The following ADAP1 variants were observed in gnomAD, a reference collection of about 807,000 sequenced individuals.
The protein encoded by ADAP1 is arf-GAP with dual PH domain-containing protein 1.
In ADAP1, 31 loss-of-function variants were observed where a neutral mutation model predicts 54.9. That is an observed-to-expected ratio of 0.56 (90% CI 0.42 to 0.76). ADAP1 has a LOEUF of 0.76. Among genes scored for constraint, ADAP1 ranks in the 30% least tolerant of loss-of-function variants. The pLI is 0.00. For missense variants in ADAP1, 535 were observed against 512.4 expected, an observed-to-expected ratio of 1.04 and a Z score of -0.42; for synonymous variants, 313 against 202.6, an observed-to-expected ratio of 1.55 and a Z score of -4.63.
intron 1 of ADAP1, among the ~76,000 whole-genome samples, chr7:940,600 T>C (rs1846917671): frequency 1.3e-5 from 2 of 152,294 alleles, no homozygotes; most frequent in Non-Finnish European, 2.9e-5. Context: ...CCACTGCTGG[T>C]AGAAATACAA....
chr7:923,004 C>CCA (rs10687724), intron 3 of ADAP1: 130,087 of 151,658 alleles, frequency 0.86, 55,998 homozygotes, highest in East Asian at 0.97. Context: ...TAAGATGAGG[C>CCA]CACAGGAGCA....
rs1846856280 is a variant in ADAP1 at position 938,807 on chromosome 7, G to C, written c.83-3302C>G. Reference sequence around the variant, plus strand: ...ACCGCATGGCAATGCTGTTGGTTCTGCTCCGACAGTGTGGACCACGGACCC... The same window carrying C: ...ACCGCATGGCAATGCTGTTGGTTCTCCTCCGACAGTGTGGACCACGGACCC... On this transcript the variant is annotated intron_variant, in intron 1 of 10. Coordinates refer to ENST00000265846, the MANE Select transcript of ADAP1 (RefSeq NM_006869.4). The surrounding 1 kb of genome is among the most constrained non-coding windows in gnomAD (Gnocchi z 4.4). 6.6e-6 allele frequency among the ~76,000 whole-genome samples: 1 copy of C among 152,204 alleles called. No homozygotes were observed. Among genetic ancestry groups the C allele is most frequent in the Non-Finnish European group, 1.5e-5 (1 of 68,034 alleles).
intron 6 of ADAP1, chr7:900,935 C>T: frequency 1.8e-6 from 1 of 562,568 alleles, no homozygotes; most frequent in Non-Finnish European, 3.5e-6. Context: ...TCCAAGCTCA[C>T]TCTGTGGCCC....
intron 1 of ADAP1, among the ~76,000 whole-genome samples, chr7:948,006 C>T (rs1010919997): frequency 2.0e-5 from 3 of 151,990 alleles, no homozygotes. Context: ...ACCCCACTCC[C>T]TCTTCCGGAG....
At chr7:923,513 G>A (rs1185193188) in intron 3 of ADAP1, among the ~76,000 whole-genome samples, 1 of 152,076 alleles carries the variant, frequency 6.6e-6, no homozygotes, top group Non-Finnish European at 1.5e-5. Flanking sequence ...GACACAGGAA[G>A]AGACGGGTCC....
At chr7:900,080 G>T (rs974919972) in intron 8 of ADAP1, 22 bp downstream of exon 8, 5 of 1,612,642 alleles carry the variant, frequency 3.1e-6, no homozygotes, top group Non-Finnish European at 8.5e-7. Flanking sequence ...GCCACCCCAG[G>T]CCGCACGTGC....
chr7:934,672 G>T (rs62433082), intron 2 of ADAP1, among the ~76,000 whole-genome samples: 33,055 of 152,074 alleles, frequency 0.22, 4,233 homozygotes, highest in South Asian at 0.44. Flanking sequence ...CCTCCCTCGG[G>T]GTCTCCCTAC....
chr7:900,205 G>C (rs1257164722), intron 7 of ADAP1, 41 bp from the exon 8 acceptor site: 5 of 1,610,464 alleles, frequency 3.1e-6, no homozygotes, highest in Non-Finnish European at 4.2e-6. Flanking sequence ...CAGAAGTGCA[G>C]CTCAGGCCGA....
intron 4 of ADAP1, among the ~76,000 whole-genome samples, chr7:917,512 T>C (rs568667983): frequency 2.4e-4 from 37 of 152,336 alleles, no homozygotes; most frequent in Middle Eastern, 6.8e-3. Flanking sequence ...CCGCCCAGGC[T>C]GGAGTGCAGA....
chr7:950,835 GA>G (rs1847249165), intron 1 of ADAP1, among the ~76,000 whole-genome samples: 1 of 128,746 alleles, frequency 7.8e-6, no homozygotes, highest in Non-Finnish European at 1.6e-5. Flanking sequence ...CCAGCCTTGG[GA>G]ACAGAGCAAG....
intron 1 of ADAP1, 80 bp downstream of exon 1, chr7:954,316 G>T: frequency 1.1e-6 from 1 of 946,500 alleles, no homozygotes. Context: ...CCCGGTCCCC[G>T]GGGCCCACCC....
chr7:904,415 G>A (rs1054986617), intron 5 of ADAP1, 143 bp from the exon 6 acceptor site: 2 of 1,048,062 alleles, frequency 1.9e-6, no homozygotes, highest in Non-Finnish European at 1.3e-6. Flanking sequence ...TCTGAGCCTT[G>A]GCCTCCCGGT....
intron 4 of ADAP1, among the ~76,000 whole-genome samples, chr7:906,654 A>G (rs1562914962): frequency 1.3e-4 from 12 of 94,720 alleles, no homozygotes; most frequent in Admixed American, 4.4e-4. Context: ...GAAAGGAGAA[A>G]GGGGGCGGGA....
At chr7:935,089 A>T in intron 2 of ADAP1, 1 of 564,452 alleles carries the variant, frequency 1.8e-6, no homozygotes, top group African/African-American at 1.9e-5. Flanking sequence ...AGCACTCCGG[A>T]GCTCCCAGGG....
intron 1 of ADAP1, among the ~76,000 whole-genome samples, chr7:954,066 G>C (rs1279404001): frequency 1.3e-5 from 2 of 152,110 alleles, no homozygotes; most frequent in Non-Finnish European, 2.9e-5. Context: ...CTTTCTGTGC[G>C]GAGCCCGAGC....
At chr7:930,101 C>T (rs1403000587) in intron 2 of ADAP1, among the ~76,000 whole-genome samples, 1 of 33,276 alleles carries the variant, frequency 3.0e-5, no homozygotes, top group Non-Finnish European at 5.1e-5. Context: ...AAGACTGTCT[C>T]AAAAAAAAAA....
At chr7:919,908 G>C in intron 4 of ADAP1, 60 bp downstream of exon 4, 1 of 1,326,514 alleles carries the variant, frequency 7.5e-7, no homozygotes, top group Non-Finnish European at 1.0e-6. Context: ...AGATGGGGGA[G>C]GGAGGGAGAG....
chr7:918,553 T>TG (rs1258032517), intron 4 of ADAP1, among the ~76,000 whole-genome samples: 2 of 151,976 alleles, frequency 1.3e-5, no homozygotes, highest in Admixed American at 6.5e-5. Flanking sequence ...ACAAGGGCAG[T>TG]GGGGGCAGTG....
At chr7:927,963 C>T (rs1042693657) in intron 2 of ADAP1, among the ~76,000 whole-genome samples, 1 of 151,840 alleles carries the variant, frequency 6.6e-6, no homozygotes, top group African/African-American at 2.4e-5. Flanking sequence ...CATCTGTAGT[C>T]CCAGCACTTT....
Sources: allele counts gnomAD v4.1 joint callset (sites outside exome capture counted in the v4.1 genomes callset), GRCh38; gene constraint gnomAD v4.1.1; non-coding constraint Gnocchi (gnomAD v3.1); transcripts MANE v1.5; gene names NCBI Gene and HGNC (gene_info 2026-07-23, HGNC 2026-07-21).